The following IPP variants were observed in gnomAD, a reference collection of about 807,000 sequenced individuals.
IPP encodes actin-binding protein IPP.
Under a neutral mutation model 64.1 loss-of-function variants are expected in IPP, and 41 were observed. That is an observed-to-expected ratio of 0.64 (90% CI 0.50 to 0.83). IPP has a LOEUF of 0.83. Ranked by LOEUF, IPP falls within the 40% of genes least tolerant of loss-of-function variation. The pLI is 0.00. For missense variants in IPP, 649 were observed against 703.0 expected, an observed-to-expected ratio of 0.92 and a Z score of 0.87; for synonymous variants, 214 against 235.2, an observed-to-expected ratio of 0.91 and a Z score of 0.83.
chr1:45,712,926 G>T (rs1645610574), intron 8 of IPP, among the ~76,000 whole-genome samples: 1 of 150,260 alleles, frequency 6.7e-6, no homozygotes, highest in Non-Finnish European at 1.5e-5. Flanking sequence ...CAAAGTGCTG[G>T]GTTTACAGGC....
chr1:45,724,355 T>C (rs1443112124), intron 5 of IPP, among the ~76,000 whole-genome samples: 3 of 151,724 alleles, frequency 2.0e-5, no homozygotes, highest in Non-Finnish European at 4.4e-5. Context: ...GCCGCCTGCC[T>C]TGGCCTCCCA....
At chr1:45,738,570 G>T (rs748675825) in intron 3 of IPP, among the ~76,000 whole-genome samples, 1 of 152,052 alleles carries the variant, frequency 6.6e-6, no homozygotes, top group Non-Finnish European at 1.5e-5. Flanking sequence ...GCCGGGCGTA[G>T]TGGCTCACAC....
chr1:45,719,669 T>C (rs997958314), intron 5 of IPP, among the ~76,000 whole-genome samples: 1 of 152,232 alleles, frequency 6.6e-6, no homozygotes, highest in African/African-American at 2.4e-5. Flanking sequence ...TTTTGGTGGC[T>C]GGCCCTGGTA....
At chr1:45,713,560 C>CA (rs71062703) in intron 8 of IPP, among the ~76,000 whole-genome samples, 105,918 of 147,996 alleles carry the variant, frequency 0.72, 37,800 homozygotes, top group African/African-American at 0.76. Context: ...AACTCCGTCT[C>CA]AAAAAAAAAA....
At chr1:45,738,734 G>A (rs1302967591) in intron 3 of IPP, among the ~76,000 whole-genome samples, 2 of 151,198 alleles carry the variant, frequency 1.3e-5, no homozygotes, top group African/African-American at 2.4e-5. Context: ...CAGCTACTTG[G>A]GAGGCTGAGG....
chr1:45,749,666 G>A (rs1167181017), intron 1 of IPP, among the ~76,000 whole-genome samples: 1 of 151,132 alleles, frequency 6.6e-6, no homozygotes, highest in Non-Finnish European at 1.5e-5. Context: ...GACTACAGGC[G>A]CCCGCCACCA....
intron 7 of IPP, among the ~76,000 whole-genome samples, chr1:45,716,120 T>C (rs1468275640): frequency 3.3e-5 from 5 of 152,210 alleles, no homozygotes; most frequent in African/African-American, 1.2e-4. Context: ...ATAATGTTTG[T>C]ATACCACTTT....
At chr1:45,725,728 A>C (rs1372675376) in intron 5 of IPP, among the ~76,000 whole-genome samples, 2 of 139,788 alleles carry the variant, frequency 1.4e-5, no homozygotes, top group African/African-American at 5.2e-5. Flanking sequence ...GAGACTTTTC[A>C]TTTTGTTCTG....
At chr1:45,728,107 AAAAAT>A (rs967054502) in intron 4 of IPP, among the ~76,000 whole-genome samples, 14 of 150,922 alleles carry the variant, frequency 9.3e-5, no homozygotes, top group Non-Finnish European at 2.1e-4. Context: ...TTTTTCAATT[AAAAAT>A]AGTGAGTTGA....
At position 45,746,329 on chromosome 1, in the gene IPP, TTGATTTGGGCCAAGA is replaced by T; in HGVS notation, c.68_82del (p.Ile23_Ile27del). 1 of 1,614,062 alleles carries T rather than the reference TTGATTTGGGCCAAGA, an allele frequency of 6.2e-7. No individual in the cohort carries two copies. The highest frequency in any genetic ancestry group is 2.2e-5 in the East Asian group (1 of 44,882). On this transcript the variant is annotated inframe_deletion, in exon 2 of 9. Coordinates refer to ENST00000396478, the MANE Select transcript of IPP (RefSeq NM_005897.3). Reference sequence around the variant, plus strand: ...GAAATGCTGTCCATTTCTCATCTTATTGATTTGGGCCAAGATGAGTTGGGCATGTTTATCTGATGA... The same window carrying T: ...GAAATGCTGTCCATTTCTCATCTTATTGAGTTGGGCATGTTTATCTGATGA...
Position 45,716,916 on chromosome 1 carries a change from A to C in IPP, c.1288T>G (p.Phe430Val). 6.2e-7 allele frequency: 1 copy of C among 1,612,900 alleles called. No individual in the cohort carries two copies. The highest frequency in any genetic ancestry group is 1.7e-5 in the Admixed American group (1 of 59,708). The part of the protein sequence containing the change: ...VGNMAVSRYY[F>V]GCCEMQGLIY... ...TTACCTTGCATTTCACAGCACCCAA[A>C]GTAGTAGCGTGACACAGCCATGTTA... Residue 430 changes from phenylalanine to valine, a missense_variant, in exon 7 of 9, where the codon TTT becomes GTT. Coordinates refer to ENST00000396478, the MANE Select transcript of IPP (RefSeq NM_005897.3).
chr1:45,722,981 G>A (rs1193514868), intron 5 of IPP, among the ~76,000 whole-genome samples: 1 of 152,224 alleles, frequency 6.6e-6, no homozygotes, highest in Non-Finnish European at 1.5e-5. Context: ...GAGATGGGAA[G>A]TGACTGCTGA....
At chr1:45,733,607 G>A (rs1232684952) in intron 3 of IPP, among the ~76,000 whole-genome samples, 1 of 151,596 alleles carries the variant, frequency 6.6e-6, no homozygotes, top group Non-Finnish European at 1.5e-5. Context: ...CGAGGCAGAC[G>A]GATCACCTGA....
In IPP at chr1:45,699,882, T is replaced by C; in HGVS notation, c.*84A>G. The C allele has an allele frequency of 6.4e-7, 1 of 1,557,930 alleles. No homozygotes were observed. The highest frequency in any genetic ancestry group is 8.7e-7 in the Non-Finnish European group (1 of 1,153,374). The stretch of plus-strand genomic sequence containing the variant: ...GGAAAACTCACAGAATCAGAGGGTC[T>C]TATCACCAAATCTATGTTTGCTTTG... On this transcript the variant is annotated 3_prime_UTR_variant, in exon 9 of 9. Transcript: ENST00000396478.
chr1:45,746,349 T>C lies in IPP; in HGVS notation c.63A>G (p.Gln21=), dbSNP rs757567087. The C allele has an allele frequency of 3.1e-6, 5 of 1,613,674 alleles. No homozygotes were observed. The highest frequency in any genetic ancestry group is 2.2e-5 in the South Asian group (2 of 91,080). ...DSPFSSDKHA[Q]LILAQINKMR... is the part of the protein sequence containing the mutation. ...TCTTATTGATTTGGGCCAAGATGAG[T>C]TGGGCATGTTTATCTGATGAAAAAG... The change falls in exon 2 of 9, where the codon CAA becomes CAG. Residue 21 remains glutamine, a synonymous_variant. Coordinates refer to ENST00000396478, the MANE Select transcript of IPP (RefSeq NM_005897.3).
intron 3 of IPP, among the ~76,000 whole-genome samples, chr1:45,734,483 G>C (rs1228984484): frequency 1.3e-5 from 2 of 151,280 alleles, no homozygotes; most frequent in Admixed American, 6.6e-5. Context: ...TGTTGCTCAG[G>C]CTGGAGTGCA....
At chr1:45,750,093 A>G (rs1646200932) in intron 1 of IPP, among the ~76,000 whole-genome samples, 1 of 152,118 alleles carries the variant, frequency 6.6e-6, no homozygotes, top group Non-Finnish European at 1.5e-5. Context: ...AAATGCCCAG[A>G]GGAACTAAAG....
chr1:45,729,841 A>C, intron 3 of IPP, 72 bp from the exon 4 acceptor site: 1 of 886,296 alleles, frequency 1.1e-6, no homozygotes, highest in Non-Finnish European at 1.7e-6. Flanking sequence ...ATTTCTATAA[A>C]GATAAGATAC....
At chr1:45,738,404 A>G (rs1362170974) in intron 3 of IPP, among the ~76,000 whole-genome samples, 1 of 152,004 alleles carries the variant, frequency 6.6e-6, no homozygotes, top group Admixed American at 6.6e-5. Flanking sequence ...TAGTGTCCCT[A>G]AGTGCAAGAA....
Sources: gnomAD v4.1 joint callset for allele counts (sites outside exome capture counted in the v4.1 genomes callset) on GRCh38, gnomAD v4.1.1 for gene constraint, MANE v1.5 for transcripts, NCBI Gene and HGNC (gene_info 2026-07-23, HGNC 2026-07-21) for gene names.